ARHGAP42: variants seen among roughly 807,000 people sequenced by gnomAD.
ARHGAP42 encodes the protein rho GTPase-activating protein 42.
A neutral mutation model predicts 125.0 loss-of-function variants in ARHGAP42; 63 were observed. The ratio of observed to expected loss-of-function variants is 0.50; its 90% CI spans 0.41 to 0.62. ARHGAP42 has a LOEUF of 0.62. Ranked by LOEUF, ARHGAP42 falls within the 20% of genes least tolerant of loss-of-function variation. ARHGAP42 has a pLI of 0.00. For missense variants in ARHGAP42, 766 were observed against 1,024.2 expected, an observed-to-expected ratio of 0.75 and a Z score of 3.44; for synonymous variants, 339 against 351.0, an observed-to-expected ratio of 0.97 and a Z score of 0.38.
chr11:100,830,404 C>T lies in ARHGAP42; in HGVS notation c.313-29150C>T, dbSNP rs368414140. On this transcript the variant is annotated intron_variant, in intron 3 of 23. Transcript: ENST00000298815. Reference sequence around the variant, plus strand: ...GGTGGCTGCTGTAATATGGAGAGCACGCGCTTTCCTTCTTGTTCTTAGTGA... The same window carrying T: ...GGTGGCTGCTGTAATATGGAGAGCATGCGCTTTCCTTCTTGTTCTTAGTGA... Among the ~76,000 whole-genome samples, 8 of 152,278 alleles carry T rather than the reference C, an allele frequency of 5.3e-5. No individual in the cohort carries two copies. In the East Asian group the frequency reaches 5.8e-4, roughly 11 times the overall value.
At chr11:100,707,804 T>C (rs1861502740) in intron 1 of ARHGAP42, among the ~76,000 whole-genome samples, 1 of 152,228 alleles carries the variant, frequency 6.6e-6, no homozygotes, top group Non-Finnish European at 1.5e-5. Flanking sequence ...CTGCTGCAAA[T>C]ATGGTATACA....
At chr11:100,705,151 C>G (rs1187952041) in intron 1 of ARHGAP42, among the ~76,000 whole-genome samples, 1 of 151,884 alleles carries the variant, frequency 6.6e-6, no homozygotes, top group African/African-American at 2.4e-5. Flanking sequence ...TTGGCACAAA[C>G]TAATCCCAAT....
In ARHGAP42 at chr11:100,961,712, T is replaced by C. The variant is rs921253179; in HGVS notation, c.1329T>C (p.Ile443=). 1 of 1,551,576 alleles carries C rather than the reference T, an allele frequency of 6.4e-7. No individual in the cohort carries two copies. The highest frequency in any genetic ancestry group is 1.4e-5 in the African/African-American group (1 of 73,008). ...FSPKSPPDID[I]DIELWDNKTI... ...CTAAATCCCCTCCTGATATTGATAT[T>C]GATATTGAACTGTGGGACAATAAGA... is the stretch of plus-strand genomic sequence containing the variant. The change falls in exon 15 of 24, where the codon ATT becomes ATC. Residue 443 remains isoleucine (I), a synonymous_variant. Coordinates refer to ENST00000298815, the MANE Select transcript of ARHGAP42 (RefSeq NM_152432.4).
intron 2 of ARHGAP42, among the ~76,000 whole-genome samples, chr11:100,788,022 G>A (rs61890770): frequency 0.051 from 7,801 of 152,202 alleles, 259 homozygotes; most frequent in East Asian, 0.18. Context: ...TAAAAGTCTA[G>A]TTTTATTATC....
chr11:100,976,528 T>C (rs1309561842), intron 20 of ARHGAP42, 91 bp downstream of exon 20: 7 of 1,428,750 alleles, frequency 4.9e-6, no homozygotes, highest in Non-Finnish European at 6.5e-6. Context: ...ATAAAGTTAA[T>C]GGTGGAGAAA....
chr11:100,771,206 G>A (rs544634700), intron 2 of ARHGAP42, among the ~76,000 whole-genome samples: 6 of 152,106 alleles, frequency 3.9e-5, no homozygotes, highest in East Asian at 1.9e-4. Flanking sequence ...CTAATCTGAC[G>A]TTGCCTCAGT....
chr11:100,787,113 T>C (rs998556371), intron 2 of ARHGAP42, among the ~76,000 whole-genome samples: 1 of 111,604 alleles, frequency 9.0e-6, no homozygotes. Flanking sequence ...CTGTCTCTAC[T>C]AAAAATACAA....
intron 22 of ARHGAP42, 135 bp from the exon 23 acceptor site, chr11:100,987,378 C>T: frequency 1.5e-6 from 1 of 687,368 alleles, no homozygotes; most frequent in Non-Finnish European, 2.5e-6. Context: ...CACCGATGTA[C>T]ACTCATATAT....
rs181454342 is a variant in ARHGAP42 at position 100,691,661 on chromosome 11, A to G, written c.154+3829A>G. ...CTCCCCAGTAGCTGGGACCATAGGA[A>G]TGCACCACCAGGCCAGGCTAATTTT... On this transcript the variant is annotated intron_variant, in intron 1 of 23. Coordinates refer to ENST00000298815, the MANE Select transcript of ARHGAP42 (RefSeq NM_152432.4). Among the ~76,000 whole-genome samples the G allele has an allele frequency of 1.0e-3, 158 of 152,196 alleles. 1 individual carries two copies. Among genetic ancestry groups the G allele is most frequent in the Middle Eastern group, 3.4e-3 (1 of 294 alleles).
chr11:100,852,639 G>GGC (rs781518590), intron 3 of ARHGAP42, among the ~76,000 whole-genome samples: 32 of 152,212 alleles, frequency 2.1e-4, no homozygotes, highest in Admixed American at 5.9e-4. Flanking sequence ...ATATTTTTGA[G>GGC]GCCCTAATTA....
chr11:100,904,193 T>C (rs1357938677), intron 4 of ARHGAP42, among the ~76,000 whole-genome samples: 1 of 152,110 alleles, frequency 6.6e-6, no homozygotes, highest in Non-Finnish European at 1.5e-5. Context: ...TCACAAGGTT[T>C]AAAGTGGCAT....
chr11:100,986,021 C>A (rs574863042), intron 22 of ARHGAP42: 1 of 456,636 alleles, frequency 2.2e-6, no homozygotes, highest in Admixed American at 2.3e-5. Context: ...AAAGACTCAT[C>A]ATGTAGAAAA....
intron 3 of ARHGAP42, among the ~76,000 whole-genome samples, chr11:100,847,226 A>G (rs1488590766): frequency 6.6e-6 from 1 of 152,192 alleles, no homozygotes; most frequent in East Asian, 1.9e-4. Flanking sequence ...GAGGGTTCAG[A>G]TGTTCCACAT....
chr11:100,941,024 C>G (rs1247573126), intron 8 of ARHGAP42, among the ~76,000 whole-genome samples: 4 of 152,080 alleles, frequency 2.6e-5, no homozygotes, highest in Non-Finnish European at 5.9e-5. Flanking sequence ...GTGTTTAGAT[C>G]TTAGGTATCT....
At chr11:100,975,667 C>A (rs918952068) in intron 19 of ARHGAP42, among the ~76,000 whole-genome samples, 2 of 152,108 alleles carry the variant, frequency 1.3e-5, no homozygotes, top group South Asian at 4.1e-4. Context: ...TTTTACTATA[C>A]CCCCTTTCAT....
chr11:100,797,884 G>A (rs1393855815), intron 3 of ARHGAP42, among the ~76,000 whole-genome samples: 1 of 152,200 alleles, frequency 6.6e-6, no homozygotes, highest in African/African-American at 2.4e-5. Flanking sequence ...ATCACTAGAA[G>A]TTGATTCTAG....
intron 16 of ARHGAP42, among the ~76,000 whole-genome samples, chr11:100,963,613 C>A (rs776900929): frequency 1.3e-5 from 2 of 152,098 alleles, no homozygotes; most frequent in Non-Finnish European, 2.9e-5. Context: ...TGACTAACCA[C>A]ATGATCTCAT....
At chr11:100,860,726 T>C (rs1243664207) in intron 4 of ARHGAP42, among the ~76,000 whole-genome samples, 3 of 152,186 alleles carry the variant, frequency 2.0e-5, no homozygotes, top group Non-Finnish European at 4.4e-5. Flanking sequence ...CAGAACCTAT[T>C]TGGTTTCCTT....
At chr11:100,745,522 C>T (rs1591145369) in intron 1 of ARHGAP42, among the ~76,000 whole-genome samples, 1 of 152,136 alleles carries the variant, frequency 6.6e-6, no homozygotes, top group South Asian at 2.1e-4. Context: ...TTATTCTTTT[C>T]CATTTACTGA....
Sources: gnomAD v4.1 joint callset for allele counts (sites outside exome capture counted in the v4.1 genomes callset) on GRCh38, gnomAD v4.1.1 for gene constraint, MANE v1.5 for transcripts, NCBI Gene and HGNC (gene_info 2026-07-23, HGNC 2026-07-21) for gene names.